The following GRIK2 variants were observed in gnomAD, a reference collection of about 807,000 sequenced individuals.
GRIK2 encodes glutamate ionotropic receptor kainate type subunit 2.
GRIK2 carries 32 observed loss-of-function variants against 100.3 expected under a neutral mutation model. That is an observed-to-expected ratio of 0.32 (90% confidence interval 0.24 to 0.43). The LOEUF is 0.43. Ranked by LOEUF, GRIK2 falls within the 20% of genes least tolerant of loss-of-function variation. GRIK2 has a pLI of 1.00. For missense variants in GRIK2, 843 were observed against 1,114.9 expected, an observed-to-expected ratio of 0.76 and a Z score of 3.47; for synonymous variants, 417 against 389.4, an observed-to-expected ratio of 1.07 and a Z score of -0.83.
chr6:101,805,035 T>A (rs532774268), intron 9 of GRIK2, among the ~76,000 whole-genome samples: 1 of 152,012 alleles, frequency 6.6e-6, no homozygotes, highest in Admixed American at 6.6e-5. Context: ...TTTATTAATC[T>A]CTCTAAAACA....
intron 2 of GRIK2, among the ~76,000 whole-genome samples, chr6:101,457,265 G>A (rs73502691): frequency 0.047 from 7,217 of 152,136 alleles, 198 homozygotes; most frequent in Admixed American, 0.075. Context: ...TTGTAAGAGG[G>A]TATGGTAAAC....
intron 14 of GRIK2, among the ~76,000 whole-genome samples, chr6:101,943,789 C>T (rs1791103402): frequency 6.6e-6 from 1 of 152,170 alleles, no homozygotes; most frequent in Non-Finnish European, 1.5e-5. Flanking sequence ...TTTGATTTTA[C>T]AGGCTCATAG....
Position 102,053,924 on chromosome 6 carries a change from G to C in GRIK2, c.2312-1406G>C, listed in dbSNP as rs145673018. The stretch of plus-strand genomic sequence containing the variant: ...TATATTGAAATCTGAAGTGGTTAAG[G>C]GGCAGAATTTACACTGCACCTTCAT... On this transcript the variant is annotated intron_variant, in intron 15 of 16. Coordinates refer to ENST00000369134, the MANE Select transcript of GRIK2 (RefSeq NM_021956.5). Among the ~76,000 whole-genome samples the C allele has an allele frequency of 2.0e-3, 304 of 152,204 alleles. 1 individual carries two copies. Among genetic ancestry groups the C allele is most frequent in the African/African-American group, 7.0e-3 (291 of 41,548 alleles).
intron 7 of GRIK2, among the ~76,000 whole-genome samples, chr6:101,784,815 C>G (rs1325073434): frequency 6.6e-6 from 1 of 152,124 alleles, no homozygotes; most frequent in African/African-American, 2.4e-5. Context: ...TGAGGCCTCT[C>G]TAGCCATGCA....
intron 7 of GRIK2, among the ~76,000 whole-genome samples, chr6:101,733,708 C>CTTTTTTTTTTT (rs34438783): frequency 4.1e-4 from 34 of 83,938 alleles, no homozygotes; most frequent in East Asian, 7.3e-4. Context: ...ATTCCTCTTT[C>CTTTTTTTTTTT]TTTTTTTTTT....
chr6:101,828,325 A>G (rs1257433680), intron 10 of GRIK2, among the ~76,000 whole-genome samples: 1 of 151,876 alleles, frequency 6.6e-6, no homozygotes, highest in Non-Finnish European at 1.5e-5. Context: ...CATCAAGAAG[A>G]TAGAAAGATC....
intron 2 of GRIK2, among the ~76,000 whole-genome samples, chr6:101,546,433 C>A (rs1178074653): frequency 1.3e-5 from 2 of 152,076 alleles, no homozygotes; most frequent in Non-Finnish European, 2.9e-5. Context: ...TGTTAAAGAT[C>A]TCAAAAAGGT....
chr6:101,975,809 GTCTA>G (rs71028093), intron 14 of GRIK2, among the ~76,000 whole-genome samples: 123 of 147,514 alleles, frequency 8.3e-4, no homozygotes, highest in East Asian at 2.7e-3. Context: ...CTATCTATCT[GTCTA>G]TCTATCTATC....
intron 7 of GRIK2, among the ~76,000 whole-genome samples, chr6:101,734,087 G>T (rs1007708035): frequency 6.6e-6 from 1 of 151,998 alleles, no homozygotes; most frequent in African/African-American, 2.4e-5. Flanking sequence ...GAGTTCCAAA[G>T]CTGCTTCCAC....
At chr6:102,064,384 TTCCTTTCTC>T (rs1771908523) in intron 16 of GRIK2, among the ~76,000 whole-genome samples, 2 of 142,104 alleles carry the variant, frequency 1.4e-5, no homozygotes, top group African/African-American at 5.2e-5. Flanking sequence ...CTTTCTTTCT[TTCCTTTCTC>T]TCTCTCTCTC....
chr6:101,480,699 A>G (rs1011873897), intron 2 of GRIK2, among the ~76,000 whole-genome samples: 12 of 152,138 alleles, frequency 7.9e-5, no homozygotes, highest in African/African-American at 2.9e-4. Flanking sequence ...TAGATTGCCA[A>G]CTCAAGATTG....
At chr6:101,780,484 C>T (rs956023982) in intron 7 of GRIK2, among the ~76,000 whole-genome samples, 4 of 152,078 alleles carry the variant, frequency 2.6e-5, no homozygotes, top group Admixed American at 1.3e-4. Flanking sequence ...TTAGAACATA[C>T]GGTCTTTGTG....
At position 102,069,330 on chromosome 6, in the gene GRIK2, A is replaced by AT. The variant is rs1420365141; in HGVS notation, c.*820dup. The AT allele has an allele frequency of 6.8e-6, 1 of 148,042 alleles. No homozygotes were observed. Among genetic ancestry groups the AT allele is most frequent in the African/African-American group, 2.5e-5 (1 of 40,746 alleles). The allele number at this position is 148,042 out of a possible 1,614,324, so 9.2% of individuals were successfully genotyped here. On this transcript the variant is annotated 3_prime_UTR_variant, in exon 17 of 17. Transcript: ENST00000369134. ...AATAATAATAATAATAATAATAATAATAATAATAAAAGCAGTTGGTTCAGT... is the reference window on the plus strand; with the variant it reads ...AATAATAATAATAATAATAATAATAATTAATAATAAAAGCAGTTGGTTCAGT...
chr6:101,898,995 T>G (rs1357014386), intron 12 of GRIK2, among the ~76,000 whole-genome samples: 1 of 151,830 alleles, frequency 6.6e-6, no homozygotes, highest in Non-Finnish European at 1.5e-5. Flanking sequence ...TTGCTATAAT[T>G]TTTTACATTC....
intron 12 of GRIK2, among the ~76,000 whole-genome samples, chr6:101,899,102 G>GT (rs1171630693): frequency 0.025 from 3,239 of 130,094 alleles, 124 homozygotes; most frequent in African/African-American, 0.079. Flanking sequence ...TGTTGTTTTT[G>GT]TTTTTTTTTT....
At chr6:101,792,357 T>C (rs552403121) in intron 7 of GRIK2, among the ~76,000 whole-genome samples, 1 of 152,324 alleles carries the variant, frequency 6.6e-6, no homozygotes, top group East Asian at 1.9e-4. Flanking sequence ...GGTTGTTCCT[T>C]TGCATGTTTA....
chr6:101,772,154 A>C (rs1291025688), intron 7 of GRIK2, among the ~76,000 whole-genome samples: 2 of 152,288 alleles, frequency 1.3e-5, no homozygotes, highest in African/African-American at 2.4e-5. Flanking sequence ...AGAGGGAGAT[A>C]TAAAGGTGGC....
At chr6:101,822,935 A>C (rs1782048165) in intron 10 of GRIK2, among the ~76,000 whole-genome samples, 1 of 152,134 alleles carries the variant, frequency 6.6e-6, no homozygotes, top group Admixed American at 6.6e-5. Flanking sequence ...TTTATGATCA[A>C]AATAGCATCT....
intron 4 of GRIK2, among the ~76,000 whole-genome samples, chr6:101,636,181 A>T (rs577705503): frequency 4.7e-4 from 72 of 152,306 alleles, no homozygotes; most frequent in Non-Finnish European, 5.3e-4. Flanking sequence ...AAAAAAAAGG[A>T]TGAGTTCATG....
Sources: gnomAD v4.1 joint callset for allele counts (sites outside exome capture counted in the v4.1 genomes callset) on GRCh38, gnomAD v4.1.1 for gene constraint, MANE v1.5 for transcripts, NCBI Gene and HGNC (gene_info 2026-07-23, HGNC 2026-07-21) for gene names.